Variants in RBFOX1 observed in about 807,000 individuals in gnomAD.
RBFOX1 encodes RNA binding fox-1 homolog 1, also known as RNA binding protein fox-1 homolog 1.
In RBFOX1, 8 loss-of-function variants were observed where a neutral mutation model predicts 57.7. The ratio of observed to expected loss-of-function variants is 0.14; its 90% CI spans 0.08 to 0.25. The LOEUF (loss-of-function observed/expected upper bound fraction) is 0.25, where lower values mean the gene tolerates loss of function less well. Ranked by LOEUF, RBFOX1 falls within the 10% of genes least tolerant of loss-of-function variation. The pLI is 1.00. For missense variants in RBFOX1, 611 were observed against 548.5 expected (o/e 1.11, Z -1.14); for synonymous variants, 326 against 222.4 (o/e 1.47, Z -4.15).
chr16:5,831,687 C>T (rs774762500), intron 3 of RBFOX1, among the ~76,000 whole-genome samples: 1 of 151,824 alleles, frequency 6.6e-6, no homozygotes, highest in African/African-American at 2.4e-5. Flanking sequence ...CGGGGTTTCA[C>T]CATGTTGGAG....
chr16:7,261,384 A>G (rs897323344), intron 4 of RBFOX1, among the ~76,000 whole-genome samples: 3 of 152,222 alleles, frequency 2.0e-5, no homozygotes, highest in African/African-American at 4.8e-5. Context: ...AGGCAGCAGA[A>G]TGTGTCCTCC....
intron 1 of RBFOX1, among the ~76,000 whole-genome samples, chr16:5,391,707 C>G (rs186995737): frequency 1.3e-5 from 2 of 152,152 alleles, no homozygotes; most frequent in African/African-American, 2.4e-5. Flanking sequence ...TTCCCTGTGT[C>G]TACATGTCAT....
chr16:5,382,391 TC>T (rs1448030987), intron 1 of RBFOX1, among the ~76,000 whole-genome samples: 3 of 108,440 alleles, frequency 2.8e-5, no homozygotes, highest in Non-Finnish European at 4.1e-5. Context: ...GCCATTTTCA[TC>T]TTTTTTTTTT....
intron 3 of RBFOX1, among the ~76,000 whole-genome samples, chr16:6,902,123 A>T (rs4786949): frequency 0.32 from 48,480 of 152,072 alleles, 9,872 homozygotes; most frequent in African/African-American, 0.59. Flanking sequence ...ACTTGAAACC[A>T]GGAGTGCTGG....
chr16:6,868,936 C>T (rs556797559), intron 3 of RBFOX1, among the ~76,000 whole-genome samples: 1 of 152,132 alleles, frequency 6.6e-6, no homozygotes, highest in African/African-American at 2.4e-5. Context: ...TTTTCTAGCC[C>T]TTGCCTTAGA....
chr16:5,687,180 A>G (rs983788911), intron 3 of RBFOX1, among the ~76,000 whole-genome samples: 3 of 152,178 alleles, frequency 2.0e-5, no homozygotes, highest in African/African-American at 7.2e-5. Context: ...CTCCCAGTAC[A>G]GTGGAATAGG....
At chr16:6,859,197 G>GTGTATATATATGTATATATATATGTA (rs2058569313) in intron 3 of RBFOX1, among the ~76,000 whole-genome samples, 1 of 84,860 alleles carries the variant, frequency 1.2e-5, no homozygotes, top group Non-Finnish European at 2.5e-5. Context: ...ATATATATAT[G>GTGTATATATATGTATATATATATGTA]TATATATATA....
chr16:7,182,566 T>C (rs772848597), intron 4 of RBFOX1, among the ~76,000 whole-genome samples: 19 of 152,210 alleles, frequency 1.2e-4, no homozygotes, highest in Admixed American at 2.6e-4. Context: ...ATACATCCTG[T>C]TGCAAAGAAC....
Position 7,676,812 on chromosome 16 carries a change from T to C in RBFOX1, c.969T>C (p.Pro323=). The change falls in exon 14 of 16, where the codon CCT becomes CCC. Residue 323 remains proline, a synonymous_variant. Transcript: ENST00000550418. The stretch of plus-strand genomic sequence containing the variant: ...CATACCGCTACGCCCAGCCTACCCC[T>C]GCCACTGCCGCTGCCTACAGTGACA... ...YAAYRYAQPT[P]ATAAAYSDSY... 1 of 1,613,326 alleles carries C rather than the reference T, an allele frequency of 6.2e-7. No individual in the cohort carries two copies.
At chr16:6,153,048 T>G (rs1430305035) in intron 1 of RBFOX1, among the ~76,000 whole-genome samples, 3 of 140,852 alleles carry the variant, frequency 2.1e-5, no homozygotes, top group Non-Finnish European at 4.8e-5. Flanking sequence ...TTTTTTTTTT[T>G]TGTTAATTTT....
intron 1 of RBFOX1, among the ~76,000 whole-genome samples, chr16:5,258,689 A>C (rs987877100): frequency 1.3e-5 from 2 of 152,128 alleles, no homozygotes; most frequent in African/African-American, 4.8e-5. Flanking sequence ...AGGCCAAGGT[A>C]GGCGGATCAC....
intron 3 of RBFOX1, among the ~76,000 whole-genome samples, chr16:6,680,167 G>C (rs761787780): frequency 6.6e-6 from 1 of 151,860 alleles, no homozygotes; most frequent in Non-Finnish European, 1.5e-5. Flanking sequence ...AATGAGAAGA[G>C]ATAGAATAGC....
At chr16:6,746,852 A>T (rs1003184503) in intron 3 of RBFOX1, among the ~76,000 whole-genome samples, 1 of 152,176 alleles carries the variant, frequency 6.6e-6, no homozygotes, top group Non-Finnish European at 1.5e-5. Context: ...TTTATTAAGC[A>T]TAACAACTCA....
Position 7,710,809 on chromosome 16 carries a change from G to C in RBFOX1, c.*64G>C, listed in dbSNP as rs1445519758. Reference sequence around the variant, plus strand: ...GGAAGCTTTCCGAGGCCTGAGTATTGCAATACATGCAGTAGTACATCATTT... The same window carrying C: ...GGAAGCTTTCCGAGGCCTGAGTATTCCAATACATGCAGTAGTACATCATTT... On this transcript the variant is annotated 3_prime_UTR_variant, in exon 16 of 16. Transcript: ENST00000550418. The C allele has an allele frequency of 1.5e-6, 2 of 1,365,652 alleles. No homozygotes were observed. Among genetic ancestry groups the C allele is most frequent in the Non-Finnish European group, 1.9e-6 (2 of 1,028,644 alleles). 84.6% of individuals were successfully genotyped at this position (1,365,652 alleles called of 1,614,324 possible). A position where few individuals can be genotyped will look rare whatever the true frequency, so the allele number is the denominator to read the frequency against.
chr16:7,350,152 T>C (rs1365674997), intron 4 of RBFOX1, among the ~76,000 whole-genome samples: 1 of 151,338 alleles, frequency 6.6e-6, no homozygotes, highest in East Asian at 1.9e-4. Context: ...ATCTAAAAAA[T>C]TTAAAAAAAA....
chr16:5,361,390 G>A (rs1019057007), intron 1 of RBFOX1, among the ~76,000 whole-genome samples: 6 of 152,256 alleles, frequency 3.9e-5, no homozygotes, highest in East Asian at 1.9e-4. Context: ...AAACAGCACC[G>A]GAGATATCAC....
intron 4 of RBFOX1, among the ~76,000 whole-genome samples, chr16:5,909,909 C>T (rs1256284065): frequency 2.0e-5 from 3 of 151,960 alleles, no homozygotes; most frequent in South Asian, 2.1e-4. Context: ...AAAAATTAGC[C>T]GGGTGTGGTG....
At chr16:5,747,920 T>G (rs1395792309) in intron 3 of RBFOX1, among the ~76,000 whole-genome samples, 2 of 152,286 alleles carry the variant, frequency 1.3e-5, no homozygotes, top group Admixed American at 6.5e-5. Flanking sequence ...CTGCTAGCTT[T>G]TGAATGTGTT....
At chr16:7,419,012 C>G (rs930105092) in intron 4 of RBFOX1, among the ~76,000 whole-genome samples, 11 of 152,160 alleles carry the variant, frequency 7.2e-5, no homozygotes, top group Admixed American at 3.3e-4. Context: ...TCATGCTTTC[C>G]TCACACTTCA....
Sources: allele counts gnomAD v4.1 joint callset (sites outside exome capture counted in the v4.1 genomes callset), GRCh38; gene constraint gnomAD v4.1.1; transcripts MANE v1.5; gene names NCBI Gene and HGNC (gene_info 2026-07-23, HGNC 2026-07-21).